Variants in PHLPP1 observed in about 807,000 individuals in gnomAD.
PHLPP1 encodes PH domain and leucine rich repeat protein phosphatase 1, also known as PH domain leucine-rich repeat-containing protein phosphatase 1.
PHLPP1 carries 42 observed loss-of-function variants against 117.2 expected under a neutral mutation model. The ratio of observed to expected loss-of-function variants is 0.36; its 90% CI spans 0.28 to 0.46. The LOEUF is 0.46. Ranked by LOEUF, PHLPP1 falls within the 20% of genes least tolerant of loss-of-function variation. The pLI, the probability that PHLPP1 is intolerant of heterozygous loss-of-function variation, is 1.00. For missense variants in PHLPP1, 2,084 were observed against 2,241.9 expected, an observed-to-expected ratio of 0.93 and a Z score of 1.42; for synonymous variants, 1,042 against 970.7, an observed-to-expected ratio of 1.07 and a Z score of -1.37.
intron 1 of PHLPP1, among the ~76,000 whole-genome samples, chr18:62,752,247 C>T (rs1465143766): frequency 1.3e-5 from 2 of 152,054 alleles, no homozygotes; most frequent in African/African-American, 2.4e-5. Context: ...TGTCCAGGCC[C>T]CCCGCGCCCC....
intron 14 of PHLPP1, among the ~76,000 whole-genome samples, chr18:62,963,784 A>G (rs1347272279): frequency 6.6e-6 from 1 of 152,216 alleles, no homozygotes; most frequent in Admixed American, 6.5e-5. Context: ...TGCTCCTTTG[A>G]AAAGCTCCTT....
At chr18:62,868,547 G>T (rs540003966) in intron 4 of PHLPP1, among the ~76,000 whole-genome samples, 5 of 151,574 alleles carry the variant, frequency 3.3e-5, no homozygotes, top group African/African-American at 1.2e-4. Flanking sequence ...GCTTGAACCT[G>T]GGAGGCAGAG....
Position 62,972,667 on chromosome 18 carries a change from C to T in PHLPP1, c.3714C>T (p.Asn1238=), listed in dbSNP as rs761593176. 12 of 1,613,592 alleles carry T rather than the reference C, an allele frequency of 7.4e-6. No homozygotes were observed. The highest frequency in any genetic ancestry group is 2.2e-5 in the South Asian group (2 of 91,082). ...ILAEELQKTK[N]EEEYMVNTFI... is the part of the protein sequence containing the mutation. ...CTGAAGAGCTGCAAAAAACAAAAAA[C>T]GAAGAAGAATACATGGTCAATACAT... Residue 1238 remains asparagine (N), a synonymous_variant, in exon 15 of 17, where the codon AAC becomes AAT. Coordinates refer to ENST00000262719, the MANE Select transcript of PHLPP1 (RefSeq NM_194449.4).
chr18:62,804,645 T>A (rs1913884457), intron 1 of PHLPP1, among the ~76,000 whole-genome samples: 1 of 152,120 alleles, frequency 6.6e-6, no homozygotes, highest in Admixed American at 6.5e-5. Context: ...CTTTGCTAGT[T>A]ATATATGTTA....
chr18:62,861,286 T>A (rs1321795462), intron 4 of PHLPP1, among the ~76,000 whole-genome samples: 2 of 152,148 alleles, frequency 1.3e-5, no homozygotes, highest in African/African-American at 4.8e-5. Context: ...GTATTTTTAG[T>A]AGAGATGGGG....
intron 1 of PHLPP1, among the ~76,000 whole-genome samples, chr18:62,808,543 C>G (rs1052381983): frequency 6.9e-6 from 1 of 144,000 alleles, no homozygotes; most frequent in Non-Finnish European, 1.6e-5. Flanking sequence ...GAATTCATCT[C>G]TCTGTTTTTT....
intron 10 of PHLPP1, among the ~76,000 whole-genome samples, chr18:62,930,290 A>G (rs1365493501): frequency 2.0e-5 from 3 of 152,246 alleles, no homozygotes; most frequent in African/African-American, 7.2e-5. Flanking sequence ...ACTCAGATAT[A>G]TCAGTACATG....
intron 1 of PHLPP1, among the ~76,000 whole-genome samples, chr18:62,738,253 G>A (rs979939421): frequency 6.6e-6 from 1 of 152,132 alleles, no homozygotes; most frequent in Non-Finnish European, 1.5e-5. Context: ...CTGCCCAGGA[G>A]GCTGAAGTGG....
At chr18:62,771,913 T>C (rs1444046690) in intron 1 of PHLPP1, among the ~76,000 whole-genome samples, 1 of 152,258 alleles carries the variant, frequency 6.6e-6, no homozygotes, top group Non-Finnish European at 1.5e-5. Context: ...TGGCATCTTA[T>C]TGGCACTCAA....
At chr18:62,936,955 C>T (rs1335575236) in intron 10 of PHLPP1, among the ~76,000 whole-genome samples, 1 of 152,122 alleles carries the variant, frequency 6.6e-6, no homozygotes, top group African/African-American at 2.4e-5. Flanking sequence ...CAGAGGGTTG[C>T]CTAAAAGTAA....
intron 1 of PHLPP1, among the ~76,000 whole-genome samples, chr18:62,755,987 C>T (rs548967208): frequency 2.0e-5 from 3 of 147,564 alleles, no homozygotes; most frequent in East Asian, 2.0e-4. Context: ...TTTGTTCCCC[C>T]CCCCCTTCAA....
chr18:62,970,925 G>C (rs544250262), intron 14 of PHLPP1, among the ~76,000 whole-genome samples: 1 of 152,244 alleles, frequency 6.6e-6, no homozygotes, highest in Non-Finnish European at 1.5e-5. Flanking sequence ...CCATCCTGCT[G>C]GTGGTAAATG....
At chr18:62,835,652 C>G (rs563208251) in intron 2 of PHLPP1, among the ~76,000 whole-genome samples, 36 of 152,114 alleles carry the variant, frequency 2.4e-4, no homozygotes, top group Non-Finnish European at 4.0e-4. Context: ...AAGTTACTAA[C>G]AGCTTTTTCT....
chr18:62,752,094 T>C (rs1911872755), intron 1 of PHLPP1, among the ~76,000 whole-genome samples: 2 of 152,368 alleles, frequency 1.3e-5, no homozygotes, highest in South Asian at 4.1e-4. Flanking sequence ...TTTTCTTTTT[T>C]AGAGACAAGG....
Position 62,752,974 on chromosome 18 carries a change from A to T in PHLPP1, c.1576+35715A>T, listed in dbSNP as rs562265185. ...TAGTTGTGTGTTGTGCCATATTACTACTGTGACATACATTTAAAAATTATA... is the reference window on the plus strand; with the variant it reads ...TAGTTGTGTGTTGTGCCATATTACTTCTGTGACATACATTTAAAAATTATA... On this transcript the variant is annotated intron_variant, in intron 1 of 16. Transcript: ENST00000262719. 1.3e-4 allele frequency among the ~76,000 whole-genome samples: 20 copies of T among 152,356 alleles called. No homozygotes were observed. In the East Asian group the frequency reaches 3.5e-3, roughly 26 times the overall value.
intron 1 of PHLPP1, among the ~76,000 whole-genome samples, chr18:62,729,615 C>T (rs1767816762): frequency 6.6e-6 from 1 of 152,008 alleles, no homozygotes; most frequent in African/African-American, 2.4e-5. Flanking sequence ...GTGGAGGTTG[C>T]CGTGAGCTGA....
In PHLPP1 at chr18:62,716,052, A is replaced by G; in HGVS notation, c.369A>G (p.Arg123=). ...GGGANSLLLR[R]GRLKRNLSAA... The stretch of plus-strand genomic sequence containing the variant: ...GCGCCAACTCCCTCCTGCTGAGGAG[A>G]GGGCGGCTGAAGAGGAATCTGTCCG... Residue 123 remains arginine (R), a synonymous_variant, in exon 1 of 17, where the codon AGA becomes AGG. Coordinates refer to ENST00000262719, the MANE Select transcript of PHLPP1 (RefSeq NM_194449.4). The surrounding 1 kb of genome is among the most constrained non-coding windows in gnomAD (Gnocchi z 5.7). The G allele has an allele frequency of 6.8e-7, 1 of 1,471,264 alleles. No individual in the cohort carries two copies. 91.1% of individuals were successfully genotyped at this position (1,471,264 alleles called of 1,614,324 possible).
chr18:62,855,184 A>G (rs1915462260), intron 3 of PHLPP1, among the ~76,000 whole-genome samples: 6 of 152,236 alleles, frequency 3.9e-5, no homozygotes. Flanking sequence ...GTTAACTATT[A>G]TTATTGTTAC....
At chr18:62,787,498 G>T (rs957771930) in intron 1 of PHLPP1, among the ~76,000 whole-genome samples, 7 of 152,128 alleles carry the variant, frequency 4.6e-5, no homozygotes, top group Non-Finnish European at 7.3e-5. Context: ...AGGAACTGAG[G>T]GGAGCAAAGA....
Sources: gnomAD v4.1 joint callset for allele counts (sites outside exome capture counted in the v4.1 genomes callset) on GRCh38, gnomAD v4.1.1 for gene constraint, Gnocchi (gnomAD v3.1) non-coding constraint, MANE v1.5 for transcripts, NCBI Gene and HGNC (gene_info 2026-07-23, HGNC 2026-07-21) for gene names.